Variants in MTSS2 observed in about 807,000 individuals in gnomAD.
The protein encoded by MTSS2 is MTSS I-BAR domain containing 2, also known as protein MTSS 2.
Under a neutral mutation model 67.1 loss-of-function variants are expected in MTSS2, and 27 were observed. The ratio of observed to expected loss-of-function variants is 0.40; its 90% CI spans 0.30 to 0.55. MTSS2 has a LOEUF of 0.55. MTSS2 is among the 20% of genes least tolerant of loss of function. MTSS2 has a pLI of 0.43. For missense variants in MTSS2, 1,171 were observed against 1,067.8 expected, an observed-to-expected ratio of 1.10 and a Z score of -1.35; for synonymous variants, 624 against 468.6, an observed-to-expected ratio of 1.33 and a Z score of -4.28.
intron 2 of MTSS2, 38 bp downstream of exon 2, chr16:70,680,926 C>A: frequency 6.4e-7 from 1 of 1,564,524 alleles, no homozygotes; most frequent in Admixed American, 1.9e-5. Context: ...GGGCCTCTGC[C>A]TGCCCCTCCC....
In MTSS2 at chr16:70,663,092, A is replaced by T. The variant is rs550424775; in HGVS notation, c.*585T>A. ...GCGTGGGCCCTGGAACTCCCTTCCC[A>T]CACGGGGGGCCTGGCCGCCCAACTC... On this transcript the variant is annotated 3_prime_UTR_variant, in exon 15 of 15. Coordinates refer to ENST00000338779, the MANE Select transcript of MTSS2 (RefSeq NM_138383.3). 7.6e-6 allele frequency: 1 copy of T among 131,940 alleles called. No individual in the cohort carries two copies. The highest frequency in any genetic ancestry group is 2.6e-4 in the South Asian group (1 of 3,882). 8.2% of individuals were successfully genotyped at this position (131,940 alleles called of 1,614,324 possible). A position where few individuals can be genotyped will look rare whatever the true frequency, so the allele number is the denominator to read the frequency against.
chr16:70,681,059 T>G (rs1395881915), intron 1 of MTSS2, 34 bp from the exon 2 acceptor site: 6 of 1,588,406 alleles, frequency 3.8e-6, no homozygotes, highest in Non-Finnish European at 5.1e-6. Context: ...GTGAGCTTCT[T>G]GTGGGGTGGT....
rs911988621 is a variant in MTSS2 at position 70,665,246 on chromosome 16, A to T, written c.1129-150T>A. ...AGCCAAGGGCAGAGCATGGAGTGTG[A>T]CTGTGGCCCCTCAGTCCCACCAGGC... is the stretch of plus-strand genomic sequence containing the variant. On this transcript the variant is annotated intron_variant, in intron 12 of 14. Coordinates refer to ENST00000338779, the MANE Select transcript of MTSS2 (RefSeq NM_138383.3). 3.0e-6 allele frequency: 3 copies of T among 1,013,066 alleles called. No homozygotes were observed. The African/African-American group carries it at 4.9e-5, about 16-fold the overall frequency. The allele number at this position is 1,013,066 out of a possible 1,614,324, so 62.8% of individuals were successfully genotyped here. A position where few individuals can be genotyped will look rare whatever the true frequency, so the allele number is the denominator to read the frequency against.
In MTSS2 at chr16:70,663,660, TG is replaced by T; in HGVS notation, c.*16del. ...CTGCTCGCACTGGGGCCTGAGAGGA[TG>T]GGGAGGGTGGCGCCATCATAAGATG... On this transcript the variant is annotated 3_prime_UTR_variant, in exon 15 of 15. Coordinates refer to ENST00000338779, the MANE Select transcript of MTSS2 (RefSeq NM_138383.3). The T allele has an allele frequency of 6.4e-7, 1 of 1,557,230 alleles. No individual in the cohort carries two copies. Among genetic ancestry groups the T allele is most frequent in the Non-Finnish European group, 8.7e-7 (1 of 1,152,102 alleles).
intron 9 of MTSS2, 93 bp from the exon 10 acceptor site, chr16:70,677,071 T>C (rs1354255985): frequency 1.0e-6 from 1 of 977,336 alleles, no homozygotes; most frequent in Non-Finnish European, 1.5e-6. Flanking sequence ...GTGAACCACA[T>C]CCCAGGAGAA....
chr16:70,667,688 C>A lies in MTSS2; in HGVS notation c.1054-2148G>T, dbSNP rs535960131. ...ACAAGTTTGAGACCAGCCTGGCCAACATGGTGAAACACTGTCTCTACTAAA... is the reference window on the plus strand; with the variant it reads ...ACAAGTTTGAGACCAGCCTGGCCAAAATGGTGAAACACTGTCTCTACTAAA... On this transcript the variant is annotated intron_variant, in intron 11 of 14. Transcript: ENST00000338779. Among the ~76,000 whole-genome samples the A allele has an allele frequency of 3.3e-5, 5 of 152,238 alleles. No homozygotes were observed. In the South Asian group the frequency reaches 1.0e-3, roughly 32 times the overall value.
At chr16:70,680,352 C>G (rs1206311242) in intron 3 of MTSS2, among the ~76,000 whole-genome samples, 1 of 152,166 alleles carries the variant, frequency 6.6e-6, no homozygotes, top group Non-Finnish European at 1.5e-5. Context: ...CAGGTGTGCC[C>G]AGATGCAGGT....
Position 70,663,439 on chromosome 16 carries a change from A to C in MTSS2, c.*238T>G. 1 of 687,438 alleles carries C rather than the reference A, an allele frequency of 1.5e-6. No individual in the cohort carries two copies. Among genetic ancestry groups the C allele is most frequent in the East Asian group, 3.1e-5 (1 of 32,576 alleles). The allele number at this position is 687,438 out of a possible 1,614,324, so 42.6% of individuals were successfully genotyped here. On this transcript the variant is annotated 3_prime_UTR_variant, in exon 15 of 15. Transcript: ENST00000338779. ...GGAGGAAGAGGAGGGACCGAAGAGCATAAAACAGACCCCGAACCAGGCCCA... is the reference window on the plus strand; with the variant it reads ...GGAGGAAGAGGAGGGACCGAAGAGCCTAAAACAGACCCCGAACCAGGCCCA...
rs1567503933 is a variant in MTSS2 at position 70,679,296 on chromosome 16, GGACC to G, written c.466+15_466+18del. ...ACAAGGACGGGAGGAGCAGCTGGAG[GGACC>G]GACATTTGACTTACCAAGTAGCTCT... On this transcript the variant is annotated intron_variant, in intron 7 of 14. Transcript: ENST00000338779. 6.2e-7 allele frequency: 1 copy of G among 1,613,884 alleles called. No individual in the cohort carries two copies. Among genetic ancestry groups the G allele is most frequent in the East Asian group, 2.2e-5 (1 of 44,870 alleles).
Position 70,663,409 on chromosome 16 carries a change from C to G in MTSS2, c.*268G>C, listed in dbSNP as rs917701892. On this transcript the variant is annotated 3_prime_UTR_variant, in exon 15 of 15. Transcript: ENST00000338779. ...TTATGGGTAGGGAAGAGGCAGGGCCCCAGAGGAGGAAGAGGAGGGACCGAA... is the reference window on the plus strand; with the variant it reads ...TTATGGGTAGGGAAGAGGCAGGGCCGCAGAGGAGGAAGAGGAGGGACCGAA... 12 of 523,240 alleles carry G rather than the reference C, an allele frequency of 2.3e-5. No individual in the cohort carries two copies. Among genetic ancestry groups the G allele is most frequent in the African/African-American group, 4.0e-5 (2 of 49,552 alleles). The allele number at this position is 523,240 out of a possible 1,614,324, so 32.4% of individuals were successfully genotyped here.
intron 11 of MTSS2, among the ~76,000 whole-genome samples, chr16:70,669,340 G>A (rs529556493): frequency 7.9e-5 from 12 of 152,240 alleles, no homozygotes; most frequent in East Asian, 1.9e-4. Context: ...ATGGGCAAAC[G>A]ATTTAAAAAG....
intron 10 of MTSS2, among the ~76,000 whole-genome samples, chr16:70,676,489 C>T (rs1427383681): frequency 6.6e-6 from 1 of 152,252 alleles, no homozygotes; most frequent in Non-Finnish European, 1.5e-5. Flanking sequence ...GGTGCTAGGC[C>T]TGGCAGAGTC....
chr16:70,666,865 C>T (rs1361932386), intron 11 of MTSS2, among the ~76,000 whole-genome samples: 4 of 152,140 alleles, frequency 2.6e-5, no homozygotes, highest in African/African-American at 4.8e-5. Context: ...GATACTTTTC[C>T]CTCTGAGGTT....
chr16:70,685,000 C>A (rs1332174644), intron 1 of MTSS2, among the ~76,000 whole-genome samples: 2 of 152,180 alleles, frequency 1.3e-5, no homozygotes, highest in East Asian at 3.8e-4. Flanking sequence ...CCAGCCTGAC[C>A]TTAAGCAATC....
At chr16:70,669,813 T>C (rs2052860669) in intron 11 of MTSS2, among the ~76,000 whole-genome samples, 1 of 89,420 alleles carries the variant, frequency 1.1e-5, no homozygotes, top group Non-Finnish European at 2.4e-5. Context: ...TGAGACTCTG[T>C]CTCATAAAAA....
intron 11 of MTSS2, among the ~76,000 whole-genome samples, chr16:70,669,661 C>G (rs988227437): frequency 1.3e-5 from 2 of 151,870 alleles, no homozygotes; most frequent in Non-Finnish European, 2.9e-5. Flanking sequence ...ACTAAAAATA[C>G]AAAAATTAGC....
intron 4 of MTSS2, 39 bp downstream of exon 4, chr16:70,679,932 G>GCCCCCCCCCCCC: frequency 1.4e-6 from 1 of 709,086 alleles, no homozygotes; most frequent in Non-Finnish European, 2.2e-6. Context: ...GCGACGCCCC[G>GCCCCCCCCCCCC]TCCCCCCGCC....
At chr16:70,677,665 T>C in intron 9 of MTSS2, 127 bp downstream of exon 9, 5 of 704,970 alleles carry the variant, frequency 7.1e-6, no homozygotes, top group Non-Finnish European at 1.2e-5. Context: ...TCAGAAGGGG[T>C]CTGGTCTTAT....
chr16:70,666,621 T>C (rs1000485613), intron 11 of MTSS2, among the ~76,000 whole-genome samples: 13 of 152,122 alleles, frequency 8.5e-5, no homozygotes, highest in Non-Finnish European at 1.8e-4. Flanking sequence ...TCCTGCAGAT[T>C]CGAATGAACC....
Sources: allele counts gnomAD v4.1 joint callset (sites outside exome capture counted in the v4.1 genomes callset), GRCh38; gene constraint gnomAD v4.1.1; transcripts MANE v1.5; gene names NCBI Gene and HGNC (gene_info 2026-07-23, HGNC 2026-07-21).